PCDH11X: variants seen among roughly 807,000 people sequenced by gnomAD.
PCDH11X encodes protocadherin 11 X-linked.
Under a neutral mutation model 53.3 loss-of-function variants are expected in PCDH11X, and 18 were observed. The observed-to-expected ratio is 0.34, with a 90% confidence interval of 0.23 to 0.50. PCDH11X has a LOEUF of 0.50. Among genes scored for constraint, PCDH11X ranks in the 20% least tolerant of loss-of-function variants. PCDH11X has a pLI of 0.98. For missense variants in PCDH11X, 570 were observed against 1,032.4 expected, an observed-to-expected ratio of 0.55 and a Z score of 6.14; for synonymous variants, 279 against 393.3, an observed-to-expected ratio of 0.71 and a Z score of 3.44.
chrX:92,004,160 T>A (rs887079184), intron 6 of PCDH11X, among the ~76,000 whole-genome samples: 7 of 112,025 alleles, frequency 6.2e-5, no homozygotes, highest in Admixed American at 4.8e-4. Flanking sequence ...TTCAGCAGCA[T>A]ATTGTTTAAT....
intron 8 of PCDH11X, among the ~76,000 whole-genome samples, chrX:92,353,458 C>T (rs1044545785): frequency 1.8e-5 from 2 of 110,619 alleles, no homozygotes; most frequent in Non-Finnish European, 3.8e-5. Flanking sequence ...ATTTACAAGA[C>T]TCGCTTCTTA....
At chrX:92,384,684 A>C (rs866404267) in intron 8 of PCDH11X, among the ~76,000 whole-genome samples, 1 of 102,006 alleles carries the variant, frequency 9.8e-6, no homozygotes, top group South Asian at 4.6e-4. Flanking sequence ...GGTGGGGGCC[A>C]CAAGATCAGA....
chrX:92,300,679 A>G (rs1306331646), intron 8 of PCDH11X, among the ~76,000 whole-genome samples: 4 of 111,106 alleles, frequency 3.6e-5, no homozygotes, highest in Non-Finnish European at 1.9e-5. Flanking sequence ...GGGTTTCACT[A>G]TGTTGGCCAG....
intron 5 of PCDH11X, among the ~76,000 whole-genome samples, chrX:91,840,265 C>G (rs1198697420): frequency 3.6e-5 from 4 of 111,781 alleles, no homozygotes; most frequent in Non-Finnish European, 5.6e-5. Context: ...AGTCACATTT[C>G]TGTACTAGCC....
chrX:91,789,022 AC>A (rs1467354745), intron 1 of PCDH11X, among the ~76,000 whole-genome samples: 1 of 108,015 alleles, frequency 9.3e-6, no homozygotes, highest in Non-Finnish European at 1.9e-5. Context: ...ACATGGTGAA[AC>A]CCCGTCTCTA....
At chrX:91,800,887 T>TA (rs1935910052) in intron 1 of PCDH11X, among the ~76,000 whole-genome samples, 1 of 107,805 alleles carries the variant, frequency 9.3e-6, no homozygotes, top group South Asian at 4.2e-4. Flanking sequence ...TGCTGTTTTT[T>TA]AAAAAAAGGT....
intron 8 of PCDH11X, among the ~76,000 whole-genome samples, chrX:92,295,998 G>A (rs1375921384): frequency 4.6e-5 from 5 of 108,982 alleles, no homozygotes; most frequent in Non-Finnish European, 9.5e-5. Flanking sequence ...CAGGAGAATC[G>A]CTTGAACCCG....
intron 10 of PCDH11X, among the ~76,000 whole-genome samples, chrX:92,478,039 C>T (rs1436598646): frequency 9.1e-6 from 1 of 109,676 alleles, no homozygotes; most frequent in Non-Finnish European, 1.9e-5. Flanking sequence ...CCATGTTGGC[C>T]TTGTGATAAT....
intron 8 of PCDH11X, among the ~76,000 whole-genome samples, chrX:92,274,539 A>G (rs1346486788): frequency 9.0e-6 from 1 of 111,131 alleles, no homozygotes; most frequent in Non-Finnish European, 1.9e-5. Context: ...CTAGACTAAG[A>G]GGTATTTTAG....
intron 8 of PCDH11X, among the ~76,000 whole-genome samples, chrX:92,272,341 C>T (rs1403622285): frequency 9.0e-6 from 1 of 111,266 alleles, no homozygotes; most frequent in Non-Finnish European, 1.9e-5. Flanking sequence ...TGTATTTGTT[C>T]CTCGTTATAC....
chrX:92,215,897 G>A (rs1230366964), intron 7 of PCDH11X, among the ~76,000 whole-genome samples: 2 of 109,878 alleles, frequency 1.8e-5, no homozygotes. Flanking sequence ...CGCGGTTCAC[G>A]AAAATCCGTG....
chrX:92,339,653 G>T (rs1394808957), intron 8 of PCDH11X, among the ~76,000 whole-genome samples: 2 of 109,147 alleles, frequency 1.8e-5, no homozygotes, highest in South Asian at 4.2e-4. Flanking sequence ...CTGACAAGAA[G>T]TTGCTCACTA....
chrX:91,938,504 G>T (rs2061471563), intron 6 of PCDH11X, among the ~76,000 whole-genome samples: 1 of 106,841 alleles, frequency 9.4e-6, no homozygotes. Flanking sequence ...GACAGAGATG[G>T]TTAGAATTTC....
chrX:92,613,524 GTT>G (rs200455058), intron 10 of PCDH11X, among the ~76,000 whole-genome samples: 2 of 83,064 alleles, frequency 2.4e-5, no homozygotes, highest in African/African-American at 1.1e-4. Context: ...TTGCCTTTAA[GTT>G]TTTTTGTTGT....
intron 6 of PCDH11X, among the ~76,000 whole-genome samples, chrX:91,945,346 C>G (rs1438463930): frequency 9.4e-6 from 1 of 106,392 alleles, no homozygotes; most frequent in Non-Finnish European, 1.9e-5. Context: ...TACTGGCAGT[C>G]AAAACTGAAA....
At chrX:92,437,960 G>A (rs2148631822) in intron 9 of PCDH11X, among the ~76,000 whole-genome samples, 1 of 111,999 alleles carries the variant, frequency 8.9e-6, no homozygotes, top group East Asian at 2.8e-4. Flanking sequence ...GCTAAGTAAT[G>A]CACCTACTGC....
At chrX:91,836,572 A>C (rs1217037882) in intron 5 of PCDH11X, among the ~76,000 whole-genome samples, 3 of 110,613 alleles carry the variant, frequency 2.7e-5, no homozygotes, top group Non-Finnish European at 3.8e-5. Context: ...TGAGGATTTC[A>C]AGGTAAGGCA....
At chrX:92,006,887 A>G (rs757163365) in intron 6 of PCDH11X, among the ~76,000 whole-genome samples, 1 of 111,464 alleles carries the variant, frequency 9.0e-6, no homozygotes, top group African/African-American at 3.3e-5. Flanking sequence ...ATTAAACAAG[A>G]TCCAGGAGAT....
intron 9 of PCDH11X, chrX:92,459,581 A>C: frequency 2.1e-6 from 1 of 476,855 alleles, no homozygotes; most frequent in Non-Finnish European, 3.7e-6. Context: ...AGGAGTAAAT[A>C]ACCAAAAACT....
Sources: gnomAD v4.1 joint callset for allele counts (sites outside exome capture counted in the v4.1 genomes callset) on GRCh38, gnomAD v4.1.1 for gene constraint, MANE v1.5 for transcripts, NCBI Gene and HGNC (gene_info 2026-07-23, HGNC 2026-07-21) for gene names.